MAP2K5: variants seen among roughly 807,000 people sequenced by gnomAD.
MAP2K5 encodes mitogen-activated protein kinase kinase 5.
In MAP2K5, 49 loss-of-function variants were observed where a neutral mutation model predicts 83.1. That is an observed-to-expected ratio of 0.59 (90% confidence interval 0.47 to 0.75). MAP2K5 has a LOEUF of 0.75. Among genes scored for constraint, MAP2K5 ranks in the 30% least tolerant of loss-of-function variants. MAP2K5 has a pLI of 0.00. For synonymous variants in MAP2K5, 202 were observed against 191.8 expected, an observed-to-expected ratio of 1.05 and a Z score of -0.44; for missense variants, 457 against 557.5, an observed-to-expected ratio of 0.82 and a Z score of 1.82.
intron 15 of MAP2K5, 23 bp from the exon 16 acceptor site, chr15:67,703,313 AG>A: frequency 6.3e-7 from 1 of 1,590,350 alleles, no homozygotes; most frequent in Non-Finnish European, 8.6e-7. Flanking sequence ...GTCCACTCAC[AG>A]GCTCCCTTCT....
rs138910641 is a variant in MAP2K5 at position 67,570,461 on chromosome 15, G to A, written c.252+7111G>A. Reference sequence around the variant, plus strand: ...TACACATTGTAGTCTCCTCATGACAGGAGCAATGAGTTATTGAGGAGTCAG... The same window carrying A: ...TACACATTGTAGTCTCCTCATGACAAGAGCAATGAGTTATTGAGGAGTCAG... On this transcript the variant is annotated intron_variant, in intron 3 of 21. Transcript: ENST00000178640. Among the ~76,000 whole-genome samples, 40 of 152,320 alleles carry A rather than the reference G, an allele frequency of 2.6e-4. 2 individuals carry two copies. The East Asian group carries it at 7.7e-3, about 29-fold the overall frequency.
chr15:67,797,326 C>G (rs2090621986), intron 21 of MAP2K5, among the ~76,000 whole-genome samples: 1 of 152,190 alleles, frequency 6.6e-6, no homozygotes, highest in Admixed American at 6.5e-5. Context: ...TCGGAGGTTT[C>G]TTTTCCTTTC....
intron 16 of MAP2K5, among the ~76,000 whole-genome samples, chr15:67,705,868 C>G (rs896581765): frequency 3.3e-4 from 50 of 152,130 alleles, no homozygotes; most frequent in Admixed American, 3.3e-3. Context: ...AGAGTACACT[C>G]TCAGCGTATT....
chr15:67,604,661 C>CCGAGG (rs1441635259), intron 8 of MAP2K5, among the ~76,000 whole-genome samples: 1 of 152,022 alleles, frequency 6.6e-6, no homozygotes, highest in Non-Finnish European at 1.5e-5. Context: ...CTTTGGGAGG[C>CCGAGG]CGAGGCAGGT....
Position 67,757,445 on chromosome 15 carries a change from G to A in MAP2K5, c.1134+8844G>A, listed in dbSNP as rs186098900. ...ATGAAGCTATTTTGGTTTGGTCAGA[G>A]TATGGGAGATTCAGATCTCCACCCC... On this transcript the variant is annotated intron_variant, in intron 19 of 21. Transcript: ENST00000178640. This position sits in a 1 kb window ranked among gnomAD's most constrained non-coding sequence, Gnocchi z 4.9. Among the ~76,000 whole-genome samples the A allele has an allele frequency of 2.9e-4, 44 of 152,166 alleles. No individual in the cohort carries two copies. Among genetic ancestry groups the A allele is most frequent in the African/African-American group, 9.9e-4 (41 of 41,524 alleles).
chr15:67,612,571 T>C (rs539276049), intron 8 of MAP2K5, among the ~76,000 whole-genome samples: 1 of 152,270 alleles, frequency 6.6e-6, no homozygotes, highest in South Asian at 2.1e-4. Flanking sequence ...GTATAAGATA[T>C]GATGGTAGTT....
chr15:67,710,404 G>A (rs2088661469), intron 16 of MAP2K5, among the ~76,000 whole-genome samples: 1 of 151,856 alleles, frequency 6.6e-6, no homozygotes, highest in African/African-American at 2.4e-5. Context: ...AAGGACCATG[G>A]CTTAGAAAAA....
chr15:67,713,549 A>G (rs1415643183), intron 16 of MAP2K5, among the ~76,000 whole-genome samples: 2 of 152,230 alleles, frequency 1.3e-5, no homozygotes, highest in Admixed American at 6.5e-5. Flanking sequence ...CAGCCTGGCC[A>G]ACATGGCAAA....
At chr15:67,596,673 G>C (rs183399478) in intron 7 of MAP2K5, among the ~76,000 whole-genome samples, 4 of 152,258 alleles carry the variant, frequency 2.6e-5, no homozygotes, top group African/African-American at 9.6e-5. Context: ...GGTTGTTGCT[G>C]TCTCTGTTTC....
At position 67,608,047 on chromosome 15, in the gene MAP2K5, G is replaced by C. The variant is rs918511162; in HGVS notation, c.545+7298G>C. Among the ~76,000 whole-genome samples the C allele has an allele frequency of 2.6e-5, 4 of 152,176 alleles. No individual in the cohort carries two copies. In the East Asian group the frequency reaches 5.8e-4, roughly 22 times the overall value. On this transcript the variant is annotated intron_variant, in intron 8 of 21. Coordinates refer to ENST00000178640, the MANE Select transcript of MAP2K5 (RefSeq NM_145160.3). The stretch of plus-strand genomic sequence containing the variant: ...GGCAAGACTTCTTTCTAATATTTTA[G>C]TAACAATTTTTTATTTATAAAGACG...
rs2090096737 is a variant in MAP2K5 at position 67,769,179 on chromosome 15, T to A, written c.1135-423T>A. On this transcript the variant is annotated intron_variant, in intron 19 of 21. Coordinates refer to ENST00000178640, the MANE Select transcript of MAP2K5 (RefSeq NM_145160.3). This position sits in a 1 kb window ranked among gnomAD's most constrained non-coding sequence, Gnocchi z 5.2. ...AAGAGCAGTTGAATATACAAATAAATGTAAATAAAAAGGAAAGTGTAAATA... is the reference window on the plus strand; with the variant it reads ...AAGAGCAGTTGAATATACAAATAAAAGTAAATAAAAAGGAAAGTGTAAATA... Among the ~76,000 whole-genome samples, 1 of 151,368 alleles carries A rather than the reference T, an allele frequency of 6.6e-6. No homozygotes were observed. The highest frequency in any genetic ancestry group is 2.1e-4 in the South Asian group (1 of 4,816).
At chr15:67,712,700 C>T (rs529048956) in intron 16 of MAP2K5, among the ~76,000 whole-genome samples, 1 of 152,178 alleles carries the variant, frequency 6.6e-6, no homozygotes, top group South Asian at 2.1e-4. Flanking sequence ...AGGCGGATCA[C>T]GAGGTCAGGA....
intron 21 of MAP2K5, among the ~76,000 whole-genome samples, chr15:67,788,515 T>C (rs1287107552): frequency 6.6e-6 from 1 of 152,334 alleles, no homozygotes; most frequent in African/African-American, 2.4e-5. Context: ...ACCCACTGCA[T>C]GGAAAGGGGA....
At chr15:67,550,009 G>T (rs764685982) in intron 1 of MAP2K5, 25 bp from the exon 2 acceptor site, 1 of 1,593,978 alleles carries the variant, frequency 6.3e-7, no homozygotes, top group Admixed American at 1.7e-5. Flanking sequence ...GGCTAATTGT[G>T]TTTCTTTATT....
At position 67,565,083 on chromosome 15, in the gene MAP2K5, AAGCCC is replaced by A. The variant is rs2084810682; in HGVS notation, c.252+1735_252+1739del. On this transcript the variant is annotated intron_variant, in intron 3 of 21. Transcript: ENST00000178640. This position sits in a 1 kb window ranked among gnomAD's most constrained non-coding sequence, Gnocchi z 4.1. ...GATGAGGAAGCTGTGGTTAAGAGAT[AAGCCC>A]AAGGTCTTAGAGCTAGTATGAATGT... Among the ~76,000 whole-genome samples the A allele has an allele frequency of 6.6e-6, 1 of 152,196 alleles. No individual in the cohort carries two copies. Among genetic ancestry groups the A allele is most frequent in the Non-Finnish European group, 1.5e-5 (1 of 68,038 alleles).
chr15:67,762,640 T>A (rs924424127), intron 19 of MAP2K5, among the ~76,000 whole-genome samples: 2 of 151,294 alleles, frequency 1.3e-5, no homozygotes, highest in African/African-American at 4.9e-5. Context: ...ATTTCTATTC[T>A]CTTTTATCCC....
At chr15:67,681,027 GC>G (rs1293195224) in intron 13 of MAP2K5, among the ~76,000 whole-genome samples, 2 of 152,188 alleles carry the variant, frequency 1.3e-5, no homozygotes, top group African/African-American at 4.8e-5. Flanking sequence ...CAAAGCAGTA[GC>G]TTTATAGTAT....
chr15:67,654,364 G>C (rs1277150775), intron 11 of MAP2K5, among the ~76,000 whole-genome samples: 1 of 151,966 alleles, frequency 6.6e-6, no homozygotes, highest in Non-Finnish European at 1.5e-5. Flanking sequence ...GCTCCCTTTT[G>C]ATTACTATTT....
At chr15:67,627,362 C>T (rs1205471556) in intron 8 of MAP2K5, among the ~76,000 whole-genome samples, 1 of 152,146 alleles carries the variant, frequency 6.6e-6, no homozygotes, top group South Asian at 2.1e-4. Flanking sequence ...ACAGTTGTCA[C>T]CCGGTTTTTG....
Sources: gnomAD v4.1 joint callset for allele counts (sites outside exome capture counted in the v4.1 genomes callset) on GRCh38, gnomAD v4.1.1 for gene constraint, Gnocchi (gnomAD v3.1) non-coding constraint, MANE v1.5 for transcripts, NCBI Gene and HGNC (gene_info 2026-07-23, HGNC 2026-07-21) for gene names.